Variants in STK31 observed in about 807,000 individuals in gnomAD.
STK31 encodes the protein serine/threonine kinase 31.
A neutral mutation model predicts 129.7 loss-of-function variants in STK31; 89 were observed. That is an observed-to-expected ratio of 0.69 (90% CI 0.58 to 0.82). STK31 has a LOEUF of 0.82. Ranked by LOEUF, STK31 falls within the 40% of genes least tolerant of loss-of-function variation. STK31 has a pLI of 0.00. For synonymous variants in STK31, 448 were observed against 395.3 expected (o/e 1.13, Z -1.58); for missense variants, 1,187 against 1,176.4 (o/e 1.01, Z -0.13).
intron 16 of STK31, among the ~76,000 whole-genome samples, chr7:23,781,946 T>G (rs1381408189): frequency 6.6e-6 from 1 of 152,206 alleles, no homozygotes; most frequent in Non-Finnish European, 1.5e-5. Flanking sequence ...CCCATAATGT[T>G]GCAGTGAAAA....
chr7:23,764,829 C>A (rs1045609423), intron 11 of STK31, among the ~76,000 whole-genome samples: 1 of 152,068 alleles, frequency 6.6e-6, no homozygotes, highest in African/African-American at 2.4e-5. Context: ...GTATCCCCCC[C>A]ATGACACATG....
intron 17 of STK31, 78 bp from the exon 18 acceptor site, chr7:23,785,400 G>C: frequency 1.3e-6 from 2 of 1,556,566 alleles, no homozygotes. Context: ...ATTTAATATC[G>C]TGTAACTAAT....
chr7:23,782,190 T>G (rs1381555809), intron 16 of STK31, among the ~76,000 whole-genome samples: 1 of 152,046 alleles, frequency 6.6e-6, no homozygotes, highest in Admixed American at 6.6e-5. Context: ...GTAAAAATAC[T>G]GACCGGGCAT....
At chr7:23,797,589 A>T (rs896916483) in intron 22 of STK31, among the ~76,000 whole-genome samples, 10 of 152,228 alleles carry the variant, frequency 6.6e-5, no homozygotes, top group Admixed American at 3.9e-4. Context: ...ATGTACCAGA[A>T]TCTCTGGGAC....
At chr7:23,781,844 T>A (rs891943225) in intron 16 of STK31, among the ~76,000 whole-genome samples, 1 of 152,200 alleles carries the variant, frequency 6.6e-6, no homozygotes, top group Non-Finnish European at 1.5e-5. Context: ...GTTTTTAGAA[T>A]TGAGATTATA....
chr7:23,795,520 G>A (rs1464784180), intron 22 of STK31, among the ~76,000 whole-genome samples: 1 of 152,202 alleles, frequency 6.6e-6, no homozygotes, highest in Non-Finnish European at 1.5e-5. Flanking sequence ...AGCCCCAACT[G>A]GTGTACTGCC....
chr7:23,830,109 C>G (rs1417030603), intron 23 of STK31, among the ~76,000 whole-genome samples: 6 of 152,094 alleles, frequency 3.9e-5, no homozygotes, highest in African/African-American at 9.7e-5. Context: ...GCCACAACGC[C>G]TAGCTAATTT....
intron 4 of STK31, among the ~76,000 whole-genome samples, chr7:23,720,939 G>T (rs893395655): frequency 1.1e-4 from 17 of 152,098 alleles, no homozygotes; most frequent in Non-Finnish European, 2.5e-4. Flanking sequence ...GCAAACAACT[G>T]CAATTCAGAT....
chr7:23,730,696 A>G (rs2128075370), intron 6 of STK31, among the ~76,000 whole-genome samples: 1 of 151,778 alleles, frequency 6.6e-6, no homozygotes, highest in Middle Eastern at 3.4e-3. Context: ...TGTTCTTTTC[A>G]TAGTAAAATG....
intron 16 of STK31, among the ~76,000 whole-genome samples, 169 bp downstream of exon 16, chr7:23,781,689 A>G (rs531944056): frequency 4.8e-4 from 73 of 152,372 alleles, no homozygotes; most frequent in Non-Finnish European, 9.3e-4. Context: ...TAAATTTCAC[A>G]TGACAAAATA....
chr7:23,717,097 C>CT lies in STK31; in HGVS notation c.151-356dup, dbSNP rs70956911. Among the ~76,000 whole-genome samples, 191 of 42,940 alleles carry CT rather than the reference C, an allele frequency of 4.4e-3. 12 individuals are homozygous for CT. The highest frequency in any genetic ancestry group is 0.024 in the Middle Eastern group (2 of 82). 28.2% of individuals were successfully genotyped at this position (42,940 alleles called of 152,430 possible). ...TACAGGTGTGAGCCATCGCAACCTG[C>CT]TTTTTTTTTTTTTTTTTTTTTTTTT... On this transcript the variant is annotated intron_variant, in intron 3 of 23. Transcript: ENST00000355870.
chr7:23,791,176 A>G, intron 22 of STK31: 2 of 841,312 alleles, frequency 2.4e-6, no homozygotes, highest in South Asian at 5.4e-5. Flanking sequence ...GTTGAAGTCA[A>G]GATTAACAGT....
chr7:23,736,764 A>G, intron 7 of STK31, 140 bp from the exon 8 acceptor site: 1 of 556,246 alleles, frequency 1.8e-6, no homozygotes, highest in Non-Finnish European at 2.9e-6. Context: ...TTTTAATATT[A>G]TGAACTAGGT....
chr7:23,809,710 A>C (rs1197685679), intron 22 of STK31, among the ~76,000 whole-genome samples: 1 of 152,222 alleles, frequency 6.6e-6, no homozygotes, highest in Non-Finnish European at 1.5e-5. Flanking sequence ...AAGGGACTAC[A>C]TTATCTGTTT....
intron 8 of STK31, among the ~76,000 whole-genome samples, chr7:23,748,668 A>G (rs1473993583): frequency 6.6e-6 from 1 of 152,174 alleles, no homozygotes; most frequent in Non-Finnish European, 1.5e-5. Context: ...CTTCCATTTA[A>G]TGAATAGTAA....
At chr7:23,827,680 G>C (rs1375301165) in intron 23 of STK31, among the ~76,000 whole-genome samples, 2 of 152,144 alleles carry the variant, frequency 1.3e-5, no homozygotes, top group Non-Finnish European at 2.9e-5. Context: ...CTGATTTTTA[G>C]AGTTTCCGGT....
chr7:23,740,052 A>G (rs1035553674), intron 8 of STK31, among the ~76,000 whole-genome samples: 6 of 152,156 alleles, frequency 3.9e-5, no homozygotes, highest in African/African-American at 1.2e-4. Context: ...GAATCTATCA[A>G]TTACTTTGGG....
chr7:23,750,318 G>C (rs761727175), intron 8 of STK31, among the ~76,000 whole-genome samples: 1 of 152,028 alleles, frequency 6.6e-6, no homozygotes, highest in Non-Finnish European at 1.5e-5. Context: ...CCAGTATGTT[G>C]TGATTCTCTG....
rs544663081 is a variant in STK31, at chr7:23,772,641, G to A, written c.1965+363G>A. ...GACAGGGTACCCCCTCGAAGGTAGCGTTTTGTCATAAAGTATTTTTAAGAT... is the reference window on the plus strand; with the variant it reads ...GACAGGGTACCCCCTCGAAGGTAGCATTTTGTCATAAAGTATTTTTAAGAT... On this transcript the variant is annotated intron_variant, in intron 15 of 23. Coordinates refer to ENST00000355870, the MANE Select transcript of STK31 (RefSeq NM_031414.5). 1.1e-4 allele frequency among the ~76,000 whole-genome samples: 17 copies of A among 152,206 alleles called. No homozygotes were observed. The East Asian group carries it at 2.5e-3, about 22-fold the overall frequency.
Sources: gnomAD v4.1 joint callset for allele counts (sites outside exome capture counted in the v4.1 genomes callset) on GRCh38, gnomAD v4.1.1 for gene constraint, MANE v1.5 for transcripts, NCBI Gene and HGNC (gene_info 2026-07-23, HGNC 2026-07-21) for gene names.